The following OSBPL9 variants were observed in gnomAD, a reference collection of about 807,000 sequenced individuals.
The protein encoded by OSBPL9 is oxysterol-binding protein-related protein 9.
Under a neutral mutation model 106.6 loss-of-function variants are expected in OSBPL9, and 40 were observed. The observed-to-expected ratio is 0.38, with a 90% CI of 0.29 to 0.49. The LOEUF (loss-of-function observed/expected upper bound fraction) is 0.49. Among genes scored for constraint, OSBPL9 ranks in the 20% least tolerant of loss-of-function variants. The pLI is 0.97. For missense variants in OSBPL9, 609 were observed against 887.2 expected (o/e 0.69, Z 3.98); for synonymous variants, 269 against 295.4 (o/e 0.91, Z 0.92).
chr1:51,688,430 A>G (rs1015548346), intron 3 of OSBPL9, among the ~76,000 whole-genome samples: 3 of 151,306 alleles, frequency 2.0e-5, no homozygotes, highest in African/African-American at 7.4e-5. Context: ...CCAGGAGTTC[A>G]AGACCAGCCT....
chr1:51,602,384 C>A (rs902289587), intron 2 of OSBPL9, among the ~76,000 whole-genome samples: 3 of 150,040 alleles, frequency 2.0e-5, no homozygotes, highest in African/African-American at 7.3e-5. Flanking sequence ...CGTATACTTT[C>A]ATAATCCGTC....
intron 1 of OSBPL9, among the ~76,000 whole-genome samples, chr1:51,579,408 A>G (rs1194478654): frequency 6.6e-6 from 1 of 152,226 alleles, no homozygotes; most frequent in East Asian, 1.9e-4. Flanking sequence ...CTGGGCACCT[A>G]GTCCTTAGCC....
intron 8 of OSBPL9, among the ~76,000 whole-genome samples, chr1:51,753,903 C>T (rs1235392830): frequency 6.6e-6 from 1 of 152,120 alleles, no homozygotes; most frequent in Non-Finnish European, 1.5e-5. Context: ...TGGGGTATCA[C>T]CTGGGTATTG....
At chr1:51,684,341 T>C (rs888480208) in intron 3 of OSBPL9, among the ~76,000 whole-genome samples, 2 of 152,134 alleles carry the variant, frequency 1.3e-5, no homozygotes, top group African/African-American at 4.8e-5. Context: ...TTAATAACAA[T>C]GTACTGTATT....
chr1:51,520,700 C>A, the OSBPL9 span, among the ~76,000 whole-genome samples: 1 of 152,222 alleles, frequency 6.6e-6, no homozygotes, highest in Admixed American at 6.5e-5. Context: ...GACAACTGAA[C>A]AAGACCCAGG....
At chr1:51,732,780 A>C (rs1417401345) in intron 4 of OSBPL9, among the ~76,000 whole-genome samples, 1 of 152,192 alleles carries the variant, frequency 6.6e-6, no homozygotes, top group Admixed American at 6.5e-5. Flanking sequence ...TGCCGCTCTT[A>C]TAGTTAAGAA....
chr1:51,771,505 A>T (rs1673893061), intron 12 of OSBPL9, among the ~76,000 whole-genome samples: 1 of 152,130 alleles, frequency 6.6e-6, no homozygotes, highest in South Asian at 2.1e-4. Context: ...GCGCACACAC[A>T]CACACTTCCA....
Position 51,761,873 on chromosome 1 carries a change from T to C in OSBPL9, c.680T>C (p.Val227Ala). 6.2e-7 allele frequency: 1 copy of C among 1,611,260 alleles called. No individual in the cohort carries two copies. Among genetic ancestry groups the C allele is most frequent in the Non-Finnish European group, 8.5e-7 (1 of 1,177,468 alleles). ...ATACGTTCAAATCTCCTAGAACCTG[T>C]TCAGTTGTGTAAGTCAGAGCAGCGT... ...PSQTVLPPEP[V>A]QLCKSEQRPS... Residue 227 changes from valine to alanine, a missense_variant, in exon 11 of 24, where the codon GTT (valine) becomes GCT (alanine). This residue lies in a region of OSBPL9 where 356 missense variants were observed against 505.8 expected (regional missense o/e 0.70). Transcript: ENST00000428468.
intron 2 of OSBPL9, among the ~76,000 whole-genome samples, chr1:51,665,208 A>G (rs1307051434): frequency 6.6e-6 from 1 of 152,102 alleles, no homozygotes; most frequent in Non-Finnish European, 1.5e-5. Flanking sequence ...GCAATGGGGC[A>G]GTCTTGGTTC....
chr1:51,585,741 GCTCCAGC>G (rs1366599345), intron 1 of OSBPL9, among the ~76,000 whole-genome samples: 2 of 147,872 alleles, frequency 1.4e-5, no homozygotes, highest in African/African-American at 2.5e-5. Context: ...GTGCCACTGC[GCTCCAGC>G]CTAGGCAACA....
At chr1:51,714,575 G>A (rs1660688385) in intron 4 of OSBPL9, among the ~76,000 whole-genome samples, 1 of 152,162 alleles carries the variant, frequency 6.6e-6, no homozygotes, top group Admixed American at 6.5e-5. Context: ...GTTTGAATTA[G>A]GTAATTCATG....
chr1:51,711,472 C>T (rs1659858160), intron 3 of OSBPL9, among the ~76,000 whole-genome samples: 1 of 138,488 alleles, frequency 7.2e-6, no homozygotes, highest in African/African-American at 2.7e-5. Flanking sequence ...GCTGACCCCC[C>T]CACCTCCCTC....
In OSBPL9 at chr1:51,727,666, G is replaced by A. The variant is rs374030882; in HGVS notation, c.318+13587G>A. Among the ~76,000 whole-genome samples the A allele has an allele frequency of 4.6e-4, 70 of 152,226 alleles. 3 individuals are homozygous for A. In the South Asian group the frequency reaches 0.012, roughly 26 times the overall value. On this transcript the variant is annotated intron_variant, in intron 4 of 23. Coordinates refer to ENST00000428468, the MANE Select transcript of OSBPL9 (RefSeq NM_024586.6). The stretch of plus-strand genomic sequence containing the variant: ...GAAAATATATTGTACATTTAAAGTG[G>A]ATACATTTTATCACATGTAAATTAT...
At chr1:51,642,858 T>C (rs992169396) in intron 1 of OSBPL9, among the ~76,000 whole-genome samples, 2 of 152,308 alleles carry the variant, frequency 1.3e-5, no homozygotes, top group Middle Eastern at 6.8e-3. Context: ...AAAGATCTAA[T>C]CCTTATGGCA....
intron 4 of OSBPL9, chr1:51,730,014 C>T (rs1345585707): frequency 4.6e-6 from 6 of 1,311,116 alleles, no homozygotes; most frequent in South Asian, 3.2e-5. Flanking sequence ...GAGTAGACCC[C>T]GAGGGTCTGG....
At chr1:51,786,325 T>C in intron 21 of OSBPL9, 1 of 517,880 alleles carries the variant, frequency 1.9e-6, no homozygotes, top group East Asian at 3.3e-5. Flanking sequence ...AGATAGACCT[T>C]TCCTTCAAAG....
In OSBPL9 at chr1:51,729,527, A is replaced by C; in HGVS notation, c.318+15448A>C. ...GGCGCCGCAGAAGCCGCGTGTCCCC[A>C]GGCGCACTCCCCCAAGGTGAACCCC... On this transcript the variant is annotated intron_variant, in intron 4 of 23. Coordinates refer to ENST00000428468, the MANE Select transcript of OSBPL9 (RefSeq NM_024586.6). The surrounding 1 kb of genome is among the most constrained non-coding windows in gnomAD (Gnocchi z 5.1). 6.5e-6 allele frequency: 1 copy of C among 154,656 alleles called. No individual in the cohort carries two copies. Among genetic ancestry groups the C allele is most frequent in the Non-Finnish European group, 1.4e-5 (1 of 69,832 alleles). The allele number at this position is 154,656 out of a possible 1,614,324, so 9.6% of individuals were successfully genotyped here. A position where few individuals can be genotyped will look rare whatever the true frequency, so the allele number is the denominator to read the frequency against.
chr1:51,528,624 C>T, the OSBPL9 span, among the ~76,000 whole-genome samples: 1 of 151,968 alleles, frequency 6.6e-6, no homozygotes, highest in African/African-American at 2.4e-5. Flanking sequence ...GTAACCCCAG[C>T]ACTTTGGGAG....
chr1:51,742,543 A>G (rs1480036864), intron 4 of OSBPL9, among the ~76,000 whole-genome samples: 1 of 150,776 alleles, frequency 6.6e-6, no homozygotes, highest in Non-Finnish European at 1.5e-5. Flanking sequence ...AGGGTCTTGC[A>G]ACATAGCAAG....
Sources: gnomAD v4.1 joint callset for allele counts (sites outside exome capture counted in the v4.1 genomes callset) on GRCh38, gnomAD v4.1.1 for gene constraint, gnomAD v4.1.1 regional missense constraint, Gnocchi (gnomAD v3.1) non-coding constraint, MANE v1.5 for transcripts, NCBI Gene and HGNC (gene_info 2026-07-23, HGNC 2026-07-21) for gene names.